SBNO1: variants seen among roughly 807,000 people sequenced by gnomAD.
The protein encoded by SBNO1 is strawberry notch homolog 1, also known as protein strawberry notch homolog 1.
A neutral mutation model predicts 173.6 loss-of-function variants in SBNO1; 23 were observed. That is an observed-to-expected ratio of 0.13 (90% CI 0.10 to 0.19). The LOEUF is 0.19. Ranked by LOEUF, SBNO1 falls within the 10% of genes least tolerant of loss-of-function variation. SBNO1 has a pLI of 1.00. For synonymous variants in SBNO1, 632 were observed against 571.5 expected (o/e 1.11, Z -1.51); for missense variants, 1,238 against 1,671.2 (o/e 0.74, Z 4.52).
At position 123,297,135 on chromosome 12, in the gene SBNO1, G is replaced by A. The variant is rs377050356; in HGVS notation, c.4039+843C>T. ...AGCACTTTGGGAAGCTGAGGTGGGC[G>A]GATCACTTGAGGTCAGGAGTTTGAG... On this transcript the variant is annotated intron_variant, in intron 31 of 31. Transcript: ENST00000602398. Among the ~76,000 whole-genome samples the A allele has an allele frequency of 5.3e-3, 803 of 151,038 alleles. 13 individuals are homozygous for A. The highest frequency in any genetic ancestry group is 6.7e-3 in the Non-Finnish European group (456 of 67,746).
intron 28 of SBNO1, among the ~76,000 whole-genome samples, chr12:123,308,663 A>C (rs1240798745): frequency 6.6e-6 from 1 of 151,476 alleles, no homozygotes; most frequent in South Asian, 2.1e-4. Context: ...TAACACAGCA[A>C]GACTCAATCT....
At chr12:123,330,941 T>C (rs1457215718) in intron 8 of SBNO1, among the ~76,000 whole-genome samples, 1 of 151,902 alleles carries the variant, frequency 6.6e-6, no homozygotes, top group Non-Finnish European at 1.5e-5. Flanking sequence ...GCGGATCCCA[T>C]CCCCACATGC....
At chr12:123,298,243 A>G in intron 30 of SBNO1, 72 bp from the exon 31 acceptor site, 1 of 1,407,682 alleles carries the variant, frequency 7.1e-7, no homozygotes, top group South Asian at 1.3e-5. Flanking sequence ...AAAGATTTAC[A>G]AGGTCAACTC....
chr12:123,358,832 C>T (rs61955083), intron 1 of SBNO1, among the ~76,000 whole-genome samples: 4,016 of 151,546 alleles, frequency 0.027, 85 homozygotes, highest in South Asian at 0.053. Flanking sequence ...GAAGGTCTGA[C>T]ACCACATCAC....
chr12:123,356,495 G>A (rs1865991791), intron 1 of SBNO1, among the ~76,000 whole-genome samples: 2 of 152,208 alleles, frequency 1.3e-5, no homozygotes, highest in African/African-American at 4.8e-5. Flanking sequence ...GAGTGCAATG[G>A]CACGATCTCA....
rs890243713 is a variant in SBNO1 at position 123,290,060 on chromosome 12, T to G, written c.*5848A>C. On this transcript the variant is annotated 3_prime_UTR_variant, in exon 32 of 32. Transcript: ENST00000602398. ...AAGTATCAAAAAGAACCCGCCTTTTTGGGCTTCTTCTTTTCCTTGCTTAGC... is the reference window on the plus strand; with the variant it reads ...AAGTATCAAAAAGAACCCGCCTTTTGGGGCTTCTTCTTTTCCTTGCTTAGC... 1 of 152,252 alleles carries G rather than the reference T, an allele frequency of 6.6e-6. No individual in the cohort carries two copies. Among genetic ancestry groups the G allele is most frequent in the Non-Finnish European group, 1.5e-5 (1 of 68,060 alleles). 9.4% of individuals were successfully genotyped at this position (152,252 alleles called of 1,614,324 possible).
intron 7 of SBNO1, among the ~76,000 whole-genome samples, 174 bp from the exon 8 acceptor site, chr12:123,331,549 T>C (rs571784901): frequency 1.7e-4 from 26 of 152,218 alleles, no homozygotes; most frequent in Admixed American, 5.9e-4. Flanking sequence ...TGAGACGGAG[T>C]CTCGCTCTGT....
At chr12:123,307,874 C>G (rs527824954) in intron 28 of SBNO1, among the ~76,000 whole-genome samples, 5 of 152,214 alleles carry the variant, frequency 3.3e-5, no homozygotes, top group Admixed American at 1.3e-4. Flanking sequence ...GAGATCGAGG[C>G]CATCCTGGCT....
At chr12:123,359,567 A>AAG (rs1555253053) in intron 1 of SBNO1, among the ~76,000 whole-genome samples, 1 of 151,290 alleles carries the variant, frequency 6.6e-6, no homozygotes, top group African/African-American at 2.4e-5. Context: ...AAAAAAAAAA[A>AAG]AGATATATAT....
chr12:123,350,669 C>T (rs905230610), intron 1 of SBNO1, among the ~76,000 whole-genome samples: 3 of 152,146 alleles, frequency 2.0e-5, no homozygotes, highest in Admixed American at 6.6e-5. Flanking sequence ...CACAAGTATG[C>T]ATCTACAAAA....
rs745750800 is a variant in SBNO1 at position 123,327,423 on chromosome 12, C to T, written c.1692+3G>A. On this transcript the variant is annotated splice_donor_region_variant and intron_variant, in intron 13 of 31. Transcript: ENST00000602398. ...ACACTAGGAATTAAGAAAAATTCCTCACCAGCTTGACAGCTTTGTTATACA... is the reference window on the plus strand; with the variant it reads ...ACACTAGGAATTAAGAAAAATTCCTTACCAGCTTGACAGCTTTGTTATACA... 1 of 1,605,510 alleles carries T rather than the reference C, an allele frequency of 6.2e-7. No individual in the cohort carries two copies. Among genetic ancestry groups the T allele is most frequent in the Admixed American group, 1.7e-5 (1 of 57,302 alleles).
intron 29 of SBNO1, among the ~76,000 whole-genome samples, chr12:123,303,265 T>C (rs1430606471): frequency 3.3e-5 from 5 of 152,134 alleles, no homozygotes; most frequent in Non-Finnish European, 7.4e-5. Context: ...ACAATAAAAC[T>C]AAGAGGTAGT....
At chr12:123,318,441 AAG>A (rs1869553779) in intron 20 of SBNO1, among the ~76,000 whole-genome samples, 1 of 151,964 alleles carries the variant, frequency 6.6e-6, no homozygotes, top group South Asian at 2.1e-4. Context: ...AGTCTACAGA[AAG>A]AGTCTCTGGG....
intron 23 of SBNO1, 68 bp from the exon 24 acceptor site, chr12:123,313,787 T>TA: frequency 1.1e-6 from 1 of 886,946 alleles, no homozygotes; most frequent in East Asian, 2.6e-5. Flanking sequence ...CATGACCACC[T>TA]AAATACTATA....
chr12:123,350,746 C>A (rs560222902), intron 1 of SBNO1, among the ~76,000 whole-genome samples: 2 of 152,332 alleles, frequency 1.3e-5, no homozygotes, highest in East Asian at 3.9e-4. Context: ...GATGACAATG[C>A]AGCAGAGCAT....
intron 29 of SBNO1, among the ~76,000 whole-genome samples, chr12:123,303,800 G>C (rs1030224959): frequency 6.6e-5 from 10 of 150,722 alleles, no homozygotes; most frequent in African/African-American, 2.4e-4. Context: ...TTCCAGACCA[G>C]CTCAGCCTCT....
intron 14 of SBNO1, 72 bp downstream of exon 14, chr12:123,326,080 G>A (rs1017156628): frequency 9.3e-7 from 1 of 1,070,256 alleles, no homozygotes; most frequent in Non-Finnish European, 1.3e-6. Context: ...TTTACAAGCA[G>A]AAAACCTCAG....
At chr12:123,328,987 G>T (rs1362117146) in intron 9 of SBNO1, 92 bp from the exon 10 acceptor site, 5 of 721,384 alleles carry the variant, frequency 6.9e-6, no homozygotes, top group Non-Finnish European at 1.1e-5. Flanking sequence ...AGGAACTCTT[G>T]TTAGGCCCAT....
intron 1 of SBNO1, among the ~76,000 whole-genome samples, chr12:123,362,075 G>A (rs940807493): frequency 9.9e-5 from 15 of 151,630 alleles, no homozygotes; most frequent in Middle Eastern, 3.2e-3. Flanking sequence ...GGAGGCAGAG[G>A]AATGCAGTGA....
Sources: allele counts gnomAD v4.1 joint callset (sites outside exome capture counted in the v4.1 genomes callset), GRCh38; gene constraint gnomAD v4.1.1; transcripts MANE v1.5; gene names NCBI Gene and HGNC (gene_info 2026-07-23, HGNC 2026-07-21).